Variants in FAM151A observed in about 807,000 individuals in gnomAD.
The protein encoded by FAM151A is family with sequence similarity 151 member A.
FAM151A carries 41 observed loss-of-function variants against 40.4 expected under a neutral mutation model. That is an observed-to-expected ratio of 1.01 (90% CI 0.79 to 1.32). FAM151A has a LOEUF of 1.32. Ranked by LOEUF, FAM151A falls within the 40% of genes most tolerant of loss-of-function variation. FAM151A has a pLI of 0.00. For missense variants in FAM151A, 740 were observed against 740.4 expected, an observed-to-expected ratio of 1.00 and a Z score of 0.01; for synonymous variants, 337 against 312.5, an observed-to-expected ratio of 1.08 and a Z score of -0.83.
At position 54,609,499 on chromosome 1, in the gene FAM151A, G is replaced by A. The variant is rs1364286151; in HGVS notation, c.1527C>T (p.Ser509=). The A allele has an allele frequency of 4.3e-6, 7 of 1,613,162 alleles. No homozygotes were observed. In the Admixed American group the frequency reaches 1.0e-4, roughly 23 times the overall value. The change falls in exon 8 of 8, where the codon TCC becomes TCT. Residue 509 remains serine, a synonymous_variant. Transcript: ENST00000302250. ...ELCQGLWQPV[S]FQMQAMLLGH... is the part of the protein sequence containing the mutation. ...CCAGCAGCATGGCCTGCATCTGGAA[G>A]GACACAGGTTGCCAGAGCCCCTGGC... is the stretch of plus-strand genomic sequence containing the variant.
At chr1:54,623,196 G>T (rs1481576739) in intron 1 of FAM151A, 82 bp downstream of exon 1, 11 of 909,474 alleles carry the variant, frequency 1.2e-5, no homozygotes, top group Non-Finnish European at 1.9e-5. Context: ...AAAGGGACTG[G>T]TCAGAGCTGT....
chr1:54,619,773 CCA>C (rs1236594340), intron 2 of FAM151A, 89 bp downstream of exon 2: 1 of 1,367,068 alleles, frequency 7.3e-7, no homozygotes, highest in East Asian at 2.3e-5. Context: ...CATCATGCCA[CCA>C]CAGTGACCAG....
At chr1:54,609,965 AGT>A in intron 7 of FAM151A, 24 bp from the exon 8 acceptor site, 1 of 1,589,450 alleles carries the variant, frequency 6.3e-7, no homozygotes, top group South Asian at 1.1e-5. Flanking sequence ...CAGAGGCAAC[AGT>A]GTTTAGGATT....
At chr1:54,618,096 T>C (rs1644193834) in intron 2 of FAM151A, among the ~76,000 whole-genome samples, 1 of 152,140 alleles carries the variant, frequency 6.6e-6, no homozygotes, top group South Asian at 2.1e-4. Context: ...ACACGTTGGG[T>C]AGCAAGGCTT....
At chr1:54,611,805 T>C in intron 5 of FAM151A, 60 bp from the exon 6 acceptor site, 1 of 1,601,760 alleles carries the variant, frequency 6.2e-7, no homozygotes, top group Non-Finnish European at 8.5e-7. Context: ...TCAGCCCCAC[T>C]CCTGTGCTCA....
rs1644092444 is a variant in FAM151A, at chr1:54,609,734, A to G, written c.1292T>C (p.Leu431Pro). 6.2e-7 allele frequency: 1 copy of G among 1,614,172 alleles called. No individual in the cohort carries two copies. The highest frequency in any genetic ancestry group is 1.1e-5 in the South Asian group (1 of 91,086). ...LRPSLALLAR[L>P]SSLGLLHWPV... ...CCAATGCAAGAGGCCAAGGCTGGAG[A>G]GGCGTGCCAGCAAGGCCAGGGATGG... is the stretch of plus-strand genomic sequence containing the variant. The change falls in exon 8 of 8, where the codon CTC becomes CCC. Residue 431 changes from leucine to proline, a missense_variant. Leu to Pro is a moderately conservative substitution (Grantham distance 98, BLOSUM62 -3). Coordinates refer to ENST00000302250, the MANE Select transcript of FAM151A (RefSeq NM_176782.3).
At chr1:54,616,757 C>CT (rs1251012271) in intron 2 of FAM151A, among the ~76,000 whole-genome samples, 2 of 152,106 alleles carry the variant, frequency 1.3e-5, no homozygotes, top group African/African-American at 4.8e-5. Context: ...TTTCCACGAT[C>CT]TTTTTTTATG....
At chr1:54,621,461 TA>T (rs757276721) in intron 1 of FAM151A, 4 of 145,796 alleles carry the variant, frequency 2.7e-5, no homozygotes, top group Admixed American at 2.7e-4. Context: ...TGTCTCAAAA[TA>T]AATAAATAAA....
chr1:54,616,920 G>C (rs925222999), intron 2 of FAM151A, among the ~76,000 whole-genome samples: 4 of 152,074 alleles, frequency 2.6e-5, no homozygotes, highest in African/African-American at 7.2e-5. Context: ...TGCCCTGTCT[G>C]GTCTTGAACT....
intron 1 of FAM151A, among the ~76,000 whole-genome samples, chr1:54,620,990 T>C (rs1326208115): frequency 7.5e-5 from 11 of 146,592 alleles, no homozygotes. Flanking sequence ...CGAAACCCCA[T>C]CTCTACTAAA....
chr1:54,611,523 C>T, intron 6 of FAM151A, 83 bp downstream of exon 6: 2 of 1,446,582 alleles, frequency 1.4e-6, no homozygotes, highest in Non-Finnish European at 1.9e-6. Flanking sequence ...ATATCCCTTC[C>T]ACCCAGCTCT....
intron 4 of FAM151A, among the ~76,000 whole-genome samples, chr1:54,613,048 C>T (rs1017304285): frequency 1.6e-4 from 25 of 151,964 alleles, no homozygotes; most frequent in African/African-American, 5.8e-4. Context: ...TGAGCTCTGC[C>T]AGCTGGGAGT....
rs1644170449 is a variant in FAM151A at position 54,616,101 on chromosome 1, TG to T, written c.333del (p.Ile112SerfsTer49). 1 of 1,614,190 alleles carries T rather than the reference TG, an allele frequency of 6.2e-7. No homozygotes were observed. The highest frequency in any genetic ancestry group is 1.3e-5 in the African/African-American group (1 of 75,056). On this transcript the variant is annotated frameshift_variant, in exon 3 of 8. Coordinates refer to ENST00000302250, the MANE Select transcript of FAM151A (RefSeq NM_176782.3). LOFTEE classifies it high-confidence loss of function. ...GLGTANETGV[P>X]IMAHPPTIYS... ...TAGATAGTGGGGGGGTGTGCCATGA[TG>T]GGAACTCCTGTCTCATTGGCTGTGC...
intron 1 of FAM151A, 57 bp from the exon 2 acceptor site, chr1:54,620,064 T>C: frequency 1.3e-6 from 2 of 1,577,976 alleles, no homozygotes; most frequent in East Asian, 2.3e-5. Context: ...CCAAGACTCA[T>C]GTTCGTTCAT....
chr1:54,612,369 G>A lies in FAM151A; in HGVS notation c.800+117C>T. ...AGCAGGGACTCTGCAGAGGGCATGA[G>A]CACTGGCAGGGGTTGGACGAAATGA... is the stretch of plus-strand genomic sequence containing the variant. On this transcript the variant is annotated intron_variant, in intron 5 of 7. Coordinates refer to ENST00000302250, the MANE Select transcript of FAM151A (RefSeq NM_176782.3). 5.7e-6 allele frequency: 4 copies of A among 700,282 alleles called. No individual in the cohort carries two copies. In the South Asian group the frequency reaches 7.0e-5, roughly 12 times the overall value. 43.4% of individuals were successfully genotyped at this position (700,282 alleles called of 1,614,324 possible).
rs1297899688 is a variant in FAM151A, at chr1:54,623,266, G to A, written c.118+12C>T. Reference sequence around the variant, plus strand: ...GGAAGCCACTCAGGATGACATGGGGGGAGGCACCTACCTGGCCGCCGCAGG... The same window carrying A: ...GGAAGCCACTCAGGATGACATGGGGAGAGGCACCTACCTGGCCGCCGCAGG... On this transcript the variant is annotated intron_variant, in intron 1 of 7. Transcript: ENST00000302250. 11 of 1,596,232 alleles carry A rather than the reference G, an allele frequency of 6.9e-6. No homozygotes were observed. The highest frequency in any genetic ancestry group is 9.4e-6 in the Non-Finnish European group (11 of 1,164,320).
At chr1:54,615,731 G>C (rs1644166039) in intron 3 of FAM151A, among the ~76,000 whole-genome samples, 1 of 152,200 alleles carries the variant, frequency 6.6e-6, no homozygotes, top group Non-Finnish European at 1.5e-5. Flanking sequence ...CCAGTTCTGT[G>C]GATACAGGAG....
At chr1:54,617,461 TA>T (rs35936174) in intron 2 of FAM151A, among the ~76,000 whole-genome samples, 41,058 of 133,814 alleles carry the variant, frequency 0.31, 6,198 homozygotes, top group South Asian at 0.45. Flanking sequence ...CACTTTCTGT[TA>T]AAAAAAAAAA....
At position 54,609,203 on chromosome 1, in the gene FAM151A, T is replaced by C. The variant is rs1423120261; in HGVS notation, c.*65A>G. On this transcript the variant is annotated 3_prime_UTR_variant, in exon 8 of 8. Transcript: ENST00000302250. ...GCCTGGAGAAAGCCAAAGACCTTTATTTCTTCCTGCCTCCCCGTGGGAAGC... is the reference window on the plus strand; with the variant it reads ...GCCTGGAGAAAGCCAAAGACCTTTACTTCTTCCTGCCTCCCCGTGGGAAGC... The C allele has an allele frequency of 6.3e-7, 1 of 1,593,554 alleles. No individual in the cohort carries two copies.
Sources: allele counts gnomAD v4.1 joint callset (sites outside exome capture counted in the v4.1 genomes callset), GRCh38; gene constraint gnomAD v4.1.1; transcripts MANE v1.5; gene names NCBI Gene and HGNC (gene_info 2026-07-23, HGNC 2026-07-21).